The following ATXN1 variants were observed in gnomAD, a reference collection of about 807,000 sequenced individuals.
ATXN1 encodes the protein ataxin 1.
Under a neutral mutation model 56.4 loss-of-function variants are expected in ATXN1, and 8 were observed. The observed-to-expected ratio is 0.14, with a 90% CI of 0.08 to 0.26. The LOEUF (loss-of-function observed/expected upper bound fraction) is 0.26, where lower values mean the gene tolerates loss of function less well. Among genes scored for constraint, ATXN1 ranks in the 10% least tolerant of loss-of-function variants. The pLI, the probability that ATXN1 is intolerant of heterozygous loss-of-function variation, is 1.00. For synonymous variants in ATXN1, 514 were observed against 494.6 expected, an observed-to-expected ratio of 1.04 and a Z score of -0.52; for missense variants, 987 against 1,106.5, an observed-to-expected ratio of 0.89 and a Z score of 1.53.
At chr6:16,592,671 T>C (rs1762743664) in intron 3 of ATXN1, among the ~76,000 whole-genome samples, 1 of 152,136 alleles carries the variant, frequency 6.6e-6, no homozygotes, top group Non-Finnish European at 1.5e-5. Context: ...TGTCTGGAGT[T>C]GGTTCCTTCT....
At chr6:16,366,628 A>C (rs560541292) in intron 6 of ATXN1, among the ~76,000 whole-genome samples, 4 of 152,100 alleles carry the variant, frequency 2.6e-5, no homozygotes, top group Admixed American at 2.6e-4. Context: ...TAAAAATACA[A>C]AAATTAGCCG....
chr6:16,643,339 G>A (rs1763741626), intron 3 of ATXN1, among the ~76,000 whole-genome samples: 2 of 151,702 alleles, frequency 1.3e-5, no homozygotes, highest in Admixed American at 6.6e-5. Flanking sequence ...CTACAGAAAT[G>A]TAAGCCTGGC....
intron 6 of ATXN1, among the ~76,000 whole-genome samples, chr6:16,353,328 G>A (rs1402338375): frequency 6.6e-6 from 1 of 152,174 alleles, no homozygotes; most frequent in African/African-American, 2.4e-5. Flanking sequence ...ATAGAATGGG[G>A]AATGCTGCTG....
At chr6:16,718,266 T>C (rs1032767001) in intron 2 of ATXN1, among the ~76,000 whole-genome samples, 11 of 152,248 alleles carry the variant, frequency 7.2e-5, no homozygotes, top group African/African-American at 2.7e-4. Context: ...ATTATGCCTC[T>C]TAATAATATG....
chr6:16,395,043 G>T (rs190347158), intron 6 of ATXN1, among the ~76,000 whole-genome samples: 29 of 151,886 alleles, frequency 1.9e-4, no homozygotes, highest in Non-Finnish European at 3.4e-4. Flanking sequence ...CCTGAGGCGA[G>T]GCGGATCACC....
chr6:16,667,865 T>C (rs1055020697), intron 2 of ATXN1, among the ~76,000 whole-genome samples: 1 of 152,154 alleles, frequency 6.6e-6, no homozygotes, highest in Non-Finnish European at 1.5e-5. Context: ...CTTTCTAGAT[T>C]ATTCTTAGTC....
chr6:16,700,127 A>C (rs1395853695), intron 2 of ATXN1, among the ~76,000 whole-genome samples: 1 of 152,206 alleles, frequency 6.6e-6, no homozygotes, highest in Non-Finnish European at 1.5e-5. Context: ...TGTGCTTTGC[A>C]GCAGAGAAAA....
intron 7 of ATXN1, among the ~76,000 whole-genome samples, chr6:16,317,777 C>T (rs1292481496): frequency 1.3e-5 from 2 of 152,110 alleles, no homozygotes; most frequent in African/African-American, 4.8e-5. Context: ...AGCCCATGTG[C>T]TCATCAGTGT....
chr6:16,721,672 A>T (rs1759748104), intron 2 of ATXN1, among the ~76,000 whole-genome samples: 1 of 152,214 alleles, frequency 6.6e-6, no homozygotes, highest in South Asian at 2.1e-4. Context: ...TCTGCAATGC[A>T]GATTTAATGT....
At chr6:16,319,471 T>G (rs1428520717) in intron 7 of ATXN1, among the ~76,000 whole-genome samples, 1 of 152,208 alleles carries the variant, frequency 6.6e-6, no homozygotes. Flanking sequence ...AGTTGATGCA[T>G]AAGGGATTTT....
chr6:16,758,862 G>C (rs984813996), intron 1 of ATXN1, among the ~76,000 whole-genome samples: 1 of 152,222 alleles, frequency 6.6e-6, no homozygotes, highest in African/African-American at 2.4e-5. Flanking sequence ...TGCACAGTGA[G>C]AGGGCAATCA....
chr6:16,477,776 G>C (rs958784285), intron 6 of ATXN1, among the ~76,000 whole-genome samples: 25 of 152,174 alleles, frequency 1.6e-4, no homozygotes, highest in African/African-American at 6.0e-4. Flanking sequence ...ATTCTGCCTG[G>C]ACTACCCATT....
chr6:16,463,858 T>C (rs532395245), intron 6 of ATXN1, among the ~76,000 whole-genome samples: 1 of 152,324 alleles, frequency 6.6e-6, no homozygotes, highest in South Asian at 2.1e-4. Context: ...TTGTCAAATT[T>C]GTTTCCTCCA....
chr6:16,408,342 A>C (rs923123551), intron 6 of ATXN1, among the ~76,000 whole-genome samples: 10 of 152,168 alleles, frequency 6.6e-5, no homozygotes, highest in Non-Finnish European at 1.5e-4. Flanking sequence ...CCTTTAAATA[A>C]ACTATAGTTA....
intron 2 of ATXN1, among the ~76,000 whole-genome samples, chr6:16,696,165 G>A (rs549718466): frequency 6.6e-6 from 1 of 152,294 alleles, no homozygotes; most frequent in East Asian, 1.9e-4. Flanking sequence ...GCTAGGTGGA[G>A]AGAGCTAGGA....
At chr6:16,665,547 G>A (rs1758407160) in intron 2 of ATXN1, among the ~76,000 whole-genome samples, 2 of 151,958 alleles carry the variant, frequency 1.3e-5, no homozygotes, top group South Asian at 2.1e-4. Flanking sequence ...GGTCTTGGGT[G>A]GGGGTGGGGG....
chr6:16,586,861 A>C (rs1376918919), intron 3 of ATXN1, among the ~76,000 whole-genome samples: 2 of 152,154 alleles, frequency 1.3e-5, no homozygotes, highest in Non-Finnish European at 2.9e-5. Context: ...TCTACTAAAA[A>C]TACAAAAATT....
intron 2 of ATXN1, among the ~76,000 whole-genome samples, chr6:16,723,465 A>C (rs933028985): frequency 3.3e-5 from 5 of 152,228 alleles, no homozygotes; most frequent in Non-Finnish European, 7.3e-5. Flanking sequence ...AAGGAGGAGG[A>C]AGAGACAAAA....
chr6:16,689,528 T>TC (rs1758999683), intron 2 of ATXN1, among the ~76,000 whole-genome samples: 1 of 145,044 alleles, frequency 6.9e-6, no homozygotes, highest in Admixed American at 6.9e-5. Context: ...TTTCTTTTTT[T>TC]TTTTTTTGTA....
Sources: gnomAD v4.1 joint callset for allele counts (sites outside exome capture counted in the v4.1 genomes callset) on GRCh38, gnomAD v4.1.1 for gene constraint, MANE v1.5 for transcripts, NCBI Gene and HGNC (gene_info 2026-07-23, HGNC 2026-07-21) for gene names.